ALPK1: variants seen among roughly 807,000 people sequenced by gnomAD.
The protein encoded by ALPK1 is alpha-protein kinase 1.
Under a neutral mutation model 120.6 loss-of-function variants are expected in ALPK1, and 110 were observed. The ratio of observed to expected loss-of-function variants is 0.91; its 90% CI spans 0.78 to 1.07. ALPK1 has a LOEUF of 1.07. Ranked by LOEUF, ALPK1 falls within the 50% of genes least tolerant of loss-of-function variation. ALPK1 has a pLI of 0.00. For synonymous variants in ALPK1, 582 were observed against 560.3 expected, an observed-to-expected ratio of 1.04 and a Z score of -0.55; for missense variants, 1,498 against 1,483.9, an observed-to-expected ratio of 1.01 and a Z score of -0.16.
chr4:112,398,578 C>T (rs57566598), intron 4 of ALPK1, among the ~76,000 whole-genome samples: 3,243 of 152,240 alleles, frequency 0.021, 58 homozygotes, highest in Middle Eastern at 0.078. Context: ...GAATTATAGG[C>T]CTGAGCCTAT....
Position 112,440,940 on chromosome 4 carries a change from G to C in ALPK1, c.3562G>C (p.Gly1188Arg), listed in dbSNP as rs1735013228. ...LQGWVTGNGK[G>R]LIYLTDPQIH... ...AGGTTGGGTAACCGGTAATGGAAAAGGACTCATCTACCTCACAGATCCCCA... is the reference window on the plus strand; with the variant it reads ...AGGTTGGGTAACCGGTAATGGAAAACGACTCATCTACCTCACAGATCCCCA... The change falls in exon 15 of 16, where the codon GGA becomes CGA. Residue 1188 changes from glycine (G) to arginine (R), a missense_variant. Coordinates refer to ENST00000650871, the MANE Select transcript of ALPK1 (RefSeq NM_025144.4). The C allele has an allele frequency of 1.2e-6, 2 of 1,612,718 alleles. No homozygotes were observed. Among genetic ancestry groups the C allele is most frequent in the East Asian group, 2.2e-5 (1 of 44,870 alleles).
At chr4:112,327,432 C>G (rs1333964884) in intron 2 of ALPK1, among the ~76,000 whole-genome samples, 1 of 152,054 alleles carries the variant, frequency 6.6e-6, no homozygotes, top group Non-Finnish European at 1.5e-5. Context: ...AAAGTGTTTT[C>G]TGTTTTGATT....
chr4:112,372,500 C>T (rs374268218), intron 2 of ALPK1, among the ~76,000 whole-genome samples: 2 of 152,142 alleles, frequency 1.3e-5, no homozygotes, highest in Non-Finnish European at 2.9e-5. Context: ...TGAGCCACCA[C>T]GCCTGGCCTA....
intron 4 of ALPK1, among the ~76,000 whole-genome samples, chr4:112,385,224 G>A (rs530847831): frequency 1.2e-3 from 183 of 152,258 alleles, no homozygotes; most frequent in African/African-American, 4.3e-3. Flanking sequence ...CATCAGTCCC[G>A]CTGCACTGGG....
intron 2 of ALPK1, among the ~76,000 whole-genome samples, chr4:112,365,012 T>C (rs1731079071): frequency 2.0e-5 from 3 of 152,230 alleles, no homozygotes; most frequent in Non-Finnish European, 4.4e-5. Context: ...AGTATTACTT[T>C]ATGATTGAAA....
intron 2 of ALPK1, among the ~76,000 whole-genome samples, chr4:112,367,508 G>A (rs1330792337): frequency 6.6e-6 from 1 of 151,968 alleles, no homozygotes; most frequent in South Asian, 2.1e-4. Context: ...ATTTACATTA[G>A]GTATCATAAG....
chr4:112,299,112 C>G (rs1270350792), intron 1 of ALPK1, among the ~76,000 whole-genome samples: 1 of 151,656 alleles, frequency 6.6e-6, no homozygotes, highest in Non-Finnish European at 1.5e-5. Context: ...TATTTGTTGC[C>G]TCTCTATATG....
Position 112,370,407 on chromosome 4 carries a change from A to T in ALPK1, c.-100-7271A>T, listed in dbSNP as rs1186162463. Among the ~76,000 whole-genome samples the T allele has an allele frequency of 4.0e-5, 6 of 148,170 alleles. 1 individual carries two copies. Among genetic ancestry groups the T allele is most frequent in the African/African-American group, 5.1e-5 (2 of 39,520 alleles). ...GACCCTTTCTATTTGATTTTTAAGG[A>T]AAAAAAAAATACAGGGGAGGGATGT... On this transcript the variant is annotated intron_variant, in intron 2 of 15. Coordinates refer to ENST00000650871, the MANE Select transcript of ALPK1 (RefSeq NM_025144.4).
chr4:112,346,417 T>C (rs1337084007), intron 2 of ALPK1, among the ~76,000 whole-genome samples: 1 of 152,272 alleles, frequency 6.6e-6, no homozygotes, highest in African/African-American at 2.4e-5. Flanking sequence ...TTGTGATATG[T>C]GGTAGTAACT....
At chr4:112,363,634 A>G (rs1043682554) in intron 2 of ALPK1, among the ~76,000 whole-genome samples, 3 of 152,214 alleles carry the variant, frequency 2.0e-5, no homozygotes, top group African/African-American at 7.2e-5. Context: ...CACCGACAGC[A>G]CTAGACAGGT....
At chr4:112,339,401 C>T (rs577721171) in intron 2 of ALPK1, among the ~76,000 whole-genome samples, 32 of 152,304 alleles carry the variant, frequency 2.1e-4, no homozygotes, top group African/African-American at 7.7e-4. Flanking sequence ...GTGTAACAGA[C>T]ATCTTCAATA....
intron 2 of ALPK1, chr4:112,359,718 G>A (rs556701222): frequency 8.0e-5 from 21 of 263,584 alleles, no homozygotes; most frequent in African/African-American, 4.8e-4. Context: ...ACTTTCCCAC[G>A]GGCATGCAGT....
intron 2 of ALPK1, among the ~76,000 whole-genome samples, chr4:112,320,665 G>A (rs1160040142): frequency 3.3e-5 from 5 of 151,986 alleles, no homozygotes; most frequent in African/African-American, 1.2e-4. Flanking sequence ...AATTCATCTG[G>A]TCCTGAACTT....
At chr4:112,385,053 T>C (rs1308968553) in intron 4 of ALPK1, among the ~76,000 whole-genome samples, 2 of 152,204 alleles carry the variant, frequency 1.3e-5, no homozygotes, top group East Asian at 3.9e-4. Context: ...CAGGTTTCTC[T>C]GACTTTTGAA....
At chr4:112,419,681 G>T (rs908042376) in intron 5 of ALPK1, among the ~76,000 whole-genome samples, 1 of 152,320 alleles carries the variant, frequency 6.6e-6, no homozygotes, top group Non-Finnish European at 1.5e-5. Flanking sequence ...TGTGAGGAAA[G>T]AAAATTGTAT....
At chr4:112,385,684 T>C (rs1732122372) in intron 4 of ALPK1, among the ~76,000 whole-genome samples, 1 of 152,214 alleles carries the variant, frequency 6.6e-6, no homozygotes, top group African/African-American at 2.4e-5. Context: ...TTATTAAAAA[T>C]AGTTTGAATA....
chr4:112,400,904 AC>A (rs1003106084), intron 4 of ALPK1, among the ~76,000 whole-genome samples: 9 of 152,074 alleles, frequency 5.9e-5, no homozygotes, highest in African/African-American at 2.2e-4. Context: ...CAGGTATGTC[AC>A]CCCCATCAGA....
intron 8 of ALPK1, among the ~76,000 whole-genome samples, chr4:112,426,937 A>G (rs1734261707): frequency 6.6e-6 from 1 of 152,104 alleles, no homozygotes; most frequent in Non-Finnish European, 1.5e-5. Flanking sequence ...TTTATATAGC[A>G]CCTTTATTCA....
At chr4:112,356,660 G>A (rs1730635144) in intron 2 of ALPK1, 1 of 863,070 alleles carries the variant, frequency 1.2e-6, no homozygotes, top group Non-Finnish European at 2.0e-6. Context: ...CTACAACAAT[G>A]TAGAAGAGAA....
Sources: gnomAD v4.1 joint callset for allele counts (sites outside exome capture counted in the v4.1 genomes callset) on GRCh38, gnomAD v4.1.1 for gene constraint, MANE v1.5 for transcripts, NCBI Gene and HGNC (gene_info 2026-07-23, HGNC 2026-07-21) for gene names.